Variants in NVL observed in about 807,000 individuals in gnomAD.
NVL encodes nuclear valosin-containing protein-like.
A neutral mutation model predicts 110.2 loss-of-function variants in NVL; 84 were observed. The ratio of observed to expected loss-of-function variants is 0.76; its 90% confidence interval spans 0.64 to 0.91. NVL has a LOEUF of 0.91. Ranked by LOEUF, NVL falls within the 40% of genes least tolerant of loss-of-function variation. The pLI is 0.00. For synonymous variants in NVL, 354 were observed against 361.1 expected, an observed-to-expected ratio of 0.98 and a Z score of 0.22; for missense variants, 882 against 1,035.9, an observed-to-expected ratio of 0.85 and a Z score of 2.04.
chr1:224,275,480 A>G, intron 16 of NVL, 22 bp from the exon 17 acceptor site: 1 of 1,613,960 alleles, frequency 6.2e-7, no homozygotes, highest in Non-Finnish European at 8.5e-7. Context: ...CAGAAAGGAA[A>G]TAAAATACCA....
intron 6 of NVL, among the ~76,000 whole-genome samples, chr1:224,305,838 C>T (rs773733634): frequency 6.6e-5 from 10 of 152,210 alleles, no homozygotes; most frequent in Admixed American, 6.5e-4. Context: ...CCGCCCTGCA[C>T]GGCCCTCTTT....
chr1:224,323,563 A>T (rs528731901), intron 2 of NVL, among the ~76,000 whole-genome samples: 7 of 152,186 alleles, frequency 4.6e-5, no homozygotes, highest in Non-Finnish European at 1.0e-4. Context: ...CGAGATGGGG[A>T]CAAAATTAAG....
At chr1:224,272,334 C>G (rs1270549882) in intron 17 of NVL, among the ~76,000 whole-genome samples, 1 of 149,370 alleles carries the variant, frequency 6.7e-6, no homozygotes, top group Non-Finnish European at 1.5e-5. Context: ...GAGAGTGAGA[C>G]TCTGTTTTAA....
intron 17 of NVL, among the ~76,000 whole-genome samples, chr1:224,275,006 A>G (rs1665612886): frequency 6.6e-6 from 1 of 152,234 alleles, no homozygotes; most frequent in Admixed American, 6.5e-5. Flanking sequence ...TCCTGTCTCA[A>G]GAACCCATTT....
intron 15 of NVL, among the ~76,000 whole-genome samples, chr1:224,285,689 T>C (rs1666792002): frequency 6.6e-6 from 1 of 152,046 alleles, no homozygotes; most frequent in East Asian, 1.9e-4. Context: ...ACTTAAGTTA[T>C]AAATAATAAC....
At position 224,227,506 on chromosome 1, in the gene NVL, A is replaced by C; in HGVS notation, c.*120T>G. 1 of 698,438 alleles carries C rather than the reference A, an allele frequency of 1.4e-6. No homozygotes were observed. The highest frequency in any genetic ancestry group is 3.7e-5 in the South Asian group (1 of 27,016). The allele number at this position is 698,438 out of a possible 1,614,324, so 43.3% of individuals were successfully genotyped here. On this transcript the variant is annotated 3_prime_UTR_variant, in exon 23 of 23. Coordinates refer to ENST00000281701, the MANE Select transcript of NVL (RefSeq NM_002533.4). ...GCTTCAGCTTGGCCTCATTCATTTG[A>C]AAATAAAATGTTTACATGAGGCCGC...
intron 5 of NVL, among the ~76,000 whole-genome samples, chr1:224,308,528 T>C (rs1669165267): frequency 6.7e-6 from 1 of 150,082 alleles, no homozygotes; most frequent in African/African-American, 2.5e-5. Flanking sequence ...CCGTCTCTAG[T>C]AAAAATACAA....
intron 10 of NVL, among the ~76,000 whole-genome samples, chr1:224,296,980 A>C (rs552390474): frequency 6.6e-6 from 1 of 152,322 alleles, no homozygotes; most frequent in Non-Finnish European, 1.5e-5. Context: ...AACTTAAGAC[A>C]ACAAGTTTAT....
chr1:224,294,706 G>A (rs1667710056), intron 11 of NVL, among the ~76,000 whole-genome samples: 1 of 152,132 alleles, frequency 6.6e-6, no homozygotes, highest in Non-Finnish European at 1.5e-5. Flanking sequence ...AAGCACCATG[G>A]TAATAAGAGA....
intron 18 of NVL, among the ~76,000 whole-genome samples, chr1:224,258,659 G>A (rs1663572736): frequency 6.6e-6 from 1 of 152,064 alleles, no homozygotes; most frequent in African/African-American, 2.4e-5. Context: ...TGTCCAACTG[G>A]TGAATACACA....
At chr1:224,253,749 GA>G (rs1168888191) in intron 18 of NVL, among the ~76,000 whole-genome samples, 1 of 143,270 alleles carries the variant, frequency 7.0e-6, no homozygotes. Context: ...AAAAAAAAAA[GA>G]AAAGAAAAAA....
At chr1:224,229,854 C>T (rs1232768722) in intron 22 of NVL, among the ~76,000 whole-genome samples, 1 of 152,122 alleles carries the variant, frequency 6.6e-6, no homozygotes, top group Non-Finnish European at 1.5e-5. Context: ...GTTTTTGAGA[C>T]AAGGTTTCGT....
At chr1:224,304,986 C>T (rs535869496) in intron 7 of NVL, 48 bp downstream of exon 7, 11 of 1,600,920 alleles carry the variant, frequency 6.9e-6, no homozygotes, top group Non-Finnish European at 7.7e-6. Context: ...AATGATGCTT[C>T]TCTCACTGCA....
chr1:224,241,965 G>C lies in NVL; in HGVS notation c.2290-5383C>G, dbSNP rs1661252732. On this transcript the variant is annotated intron_variant, in intron 19 of 22. Transcript: ENST00000281701. Reference sequence around the variant, plus strand: ...GAGAATCACTTGAACCTGGGAGGCAGAGGTTGCAGTGAGCCAAGACCACGC... The same window carrying C: ...GAGAATCACTTGAACCTGGGAGGCACAGGTTGCAGTGAGCCAAGACCACGC... 2.0e-5 allele frequency among the ~76,000 whole-genome samples: 3 copies of C among 152,014 alleles called. No individual in the cohort carries two copies. In the South Asian group the frequency reaches 6.2e-4, roughly 31 times the overall value.
chr1:224,250,105 G>T, intron 19 of NVL, 107 bp downstream of exon 19: 1 of 1,114,070 alleles, frequency 9.0e-7, no homozygotes, highest in Non-Finnish European at 1.3e-6. Context: ...GGCAAACACA[G>T]CTACAGAAAA....
chr1:224,268,305 C>T (rs984278604), intron 17 of NVL, among the ~76,000 whole-genome samples, 172 bp from the exon 18 acceptor site: 1 of 150,050 alleles, frequency 6.7e-6, no homozygotes, highest in Non-Finnish European at 1.5e-5. Context: ...AGTGGACCTC[C>T]CCAGCAATCC....
In NVL at chr1:224,233,279, G is replaced by C. The variant is rs763801026; in HGVS notation, c.2377C>G (p.Leu793Val). ...LRCDCYTGAD[L>V]SALVREASIC... ...GAAGCTTCTCGTACCAAAGCAGAGA[G>C]ATCTGCGCCCCTACAATAAAATAAT... Residue 793 changes from leucine (L) to valine (V), a missense_variant, in exon 21 of 23, where the codon CTC becomes GTC. This residue lies in a region of NVL where 126 missense variants were observed against 140.7 expected (regional missense o/e 0.90). Transcript: ENST00000281701. 3.7e-6 allele frequency: 6 copies of C among 1,608,498 alleles called. No individual in the cohort carries two copies. The highest frequency in any genetic ancestry group is 1.6e-4 in the Middle Eastern group (1 of 6,066).
At chr1:224,247,668 C>CAAAAAAAAAAAAAAAAAAAAAAAAAAA (rs529233393) in intron 19 of NVL, among the ~76,000 whole-genome samples, 1 of 145,814 alleles carries the variant, frequency 6.9e-6, no homozygotes, top group African/African-American at 2.5e-5. Context: ...CACTCTGTCT[C>CAAAAAAAAAAAAAAAAAAAAAAAAAAA]AAAAAAAAAA....
chr1:224,289,450 A>C, intron 13 of NVL, 34 bp downstream of exon 13: 1 of 1,608,568 alleles, frequency 6.2e-7, no homozygotes, highest in East Asian at 2.2e-5. Context: ...AAGAACATTA[A>C]AAGGACAATT....
Sources: gnomAD v4.1 joint callset for allele counts (sites outside exome capture counted in the v4.1 genomes callset) on GRCh38, gnomAD v4.1.1 for gene constraint, gnomAD v4.1.1 regional missense constraint, MANE v1.5 for transcripts, NCBI Gene and HGNC (gene_info 2026-07-23, HGNC 2026-07-21) for gene names.